Variants in INSC observed in about 807,000 individuals in gnomAD.
INSC encodes INSC spindle orientation adaptor protein, also known as protein inscuteable homolog.
Under a neutral mutation model 58.6 loss-of-function variants are expected in INSC, and 67 were observed. The ratio of observed to expected loss-of-function variants is 1.14; its 90% CI spans 0.94 to 1.40. The LOEUF (loss-of-function observed/expected upper bound fraction) is 1.40, where lower values mean the gene tolerates loss of function less well. Ranked by LOEUF, INSC falls within the 40% of genes most tolerant of loss-of-function variation. The pLI is 0.00. For synonymous variants in INSC, 262 were observed against 276.1 expected, an observed-to-expected ratio of 0.95 and a Z score of 0.51; for missense variants, 714 against 692.0, an observed-to-expected ratio of 1.03 and a Z score of -0.36.
downstream of INSC, among the ~76,000 whole-genome samples, chr11:15,251,898 T>A (rs1361892490): frequency 6.6e-6 from 1 of 152,108 alleles, no homozygotes; most frequent in Non-Finnish European, 1.5e-5. Context: ...TCAAAAGAAA[T>A]GAAAATGTAT....
At chr11:15,138,970 A>T (rs982783218) in intron 1 of INSC, among the ~76,000 whole-genome samples, 2 of 152,224 alleles carry the variant, frequency 1.3e-5, no homozygotes, top group Non-Finnish European at 2.9e-5. Context: ...TTTGAGGAAG[A>T]AATAAAATCA....
intron 5 of INSC, among the ~76,000 whole-genome samples, chr11:15,178,867 G>A (rs933374721): frequency 6.6e-6 from 1 of 152,156 alleles, no homozygotes; most frequent in East Asian, 1.9e-4. Context: ...GGAGTAAATT[G>A]GAACCTGATC....
At chr11:15,187,444 T>C (rs1850010678) in intron 5 of INSC, among the ~76,000 whole-genome samples, 1 of 152,282 alleles carries the variant, frequency 6.6e-6, no homozygotes, top group East Asian at 1.9e-4. Context: ...TACTCTACTA[T>C]GTCTGACTTA....
intron 7 of INSC, among the ~76,000 whole-genome samples, chr11:15,209,774 A>G (rs1279112394): frequency 6.6e-6 from 1 of 151,940 alleles, no homozygotes; most frequent in Non-Finnish European, 1.5e-5. Flanking sequence ...TGATGTGCAC[A>G]CCCACATTCC....
chr11:15,200,748 G>T, intron 6 of INSC, 76 bp from the exon 7 acceptor site: 1 of 1,595,452 alleles, frequency 6.3e-7, no homozygotes, highest in Non-Finnish European at 8.6e-7. Context: ...GGCGAATCAG[G>T]GATGTCACTT....
chr11:15,140,611 G>A (rs1158920385), intron 1 of INSC, among the ~76,000 whole-genome samples: 3 of 150,022 alleles, frequency 2.0e-5, no homozygotes, highest in Admixed American at 2.0e-4. Context: ...TTTAGAGGTA[G>A]GGTCTTGCTC....
At chr11:15,239,219 CA>C in intron 11 of INSC, 145 bp downstream of exon 11, 1 of 973,214 alleles carries the variant, frequency 1.0e-6, no homozygotes, top group Non-Finnish European at 1.5e-6. Context: ...GGTGGAGGCT[CA>C]GGGGTGCAGC....
At position 15,188,201 on chromosome 11, in the gene INSC, G is replaced by A. The variant is rs542839007; in HGVS notation, c.580-2500G>A. ...TTGCAAGGCCCCCACTCACAAGCTCGGGTTACCAATACATAGTGTTAGATG... is the reference window on the plus strand; with the variant it reads ...TTGCAAGGCCCCCACTCACAAGCTCAGGTTACCAATACATAGTGTTAGATG... On this transcript the variant is annotated intron_variant, in intron 5 of 12. Coordinates refer to ENST00000379556, the MANE Select transcript of INSC (RefSeq NM_001042536.3). The A allele has an allele frequency of 1.5e-5, 15 of 985,420 alleles. No homozygotes were observed. The South Asian group carries it at 2.3e-4, about 15-fold the overall frequency. The allele number at this position is 985,420 out of a possible 1,614,324, so 61.0% of individuals were successfully genotyped here. A position where few individuals can be genotyped will look rare whatever the true frequency, so the allele number is the denominator to read the frequency against.
intron 7 of INSC, among the ~76,000 whole-genome samples, chr11:15,206,336 A>C (rs964650612): frequency 1.3e-5 from 2 of 152,292 alleles, no homozygotes; most frequent in African/African-American, 2.4e-5. Flanking sequence ...GCTCCCAGGC[A>C]GACCAGAGGA....
In INSC at chr11:15,202,179, C is replaced by T. The variant is rs1850619132; in HGVS notation, c.819+1230C>T. ...GAGGAGATAGTGCCAGCTTTTTGGACAGAGTGCCCGCTTCCCACCGGGTTG... is the reference window on the plus strand; with the variant it reads ...GAGGAGATAGTGCCAGCTTTTTGGATAGAGTGCCCGCTTCCCACCGGGTTG... On this transcript the variant is annotated intron_variant, in intron 7 of 12. Transcript: ENST00000379556. 2.6e-5 allele frequency among the ~76,000 whole-genome samples: 4 copies of T among 151,778 alleles called. No individual in the cohort carries two copies. In the South Asian group the frequency reaches 8.3e-4, roughly 32 times the overall value.
chr11:15,256,459 C>A, the INSC span, among the ~76,000 whole-genome samples: 1 of 150,930 alleles, frequency 6.6e-6, no homozygotes, highest in Non-Finnish European at 1.5e-5. Context: ...TTGGCACTTT[C>A]GTATGGCAGT....
intron 1 of INSC, among the ~76,000 whole-genome samples, chr11:15,119,996 C>T (rs2133683134): frequency 6.6e-6 from 1 of 152,318 alleles, no homozygotes; most frequent in African/African-American, 2.4e-5. Flanking sequence ...GAACACCGGC[C>T]TAATTGGCAC....
Position 15,118,192 on chromosome 11 carries a change from A to G in INSC, c.-46+3189A>G, listed in dbSNP as rs202139061. ...TGGACTTAGGAGTGTGGAGGAGCACATGAAGGGCTTTACTGCCTCCTTGCC... is the reference window on the plus strand; with the variant it reads ...TGGACTTAGGAGTGTGGAGGAGCACGTGAAGGGCTTTACTGCCTCCTTGCC... On this transcript the variant is annotated intron_variant, in intron 1 of 12. Transcript: ENST00000379556. 2.0e-5 allele frequency among the ~76,000 whole-genome samples: 3 copies of G among 152,276 alleles called. No homozygotes were observed. In the East Asian group the frequency reaches 5.8e-4, roughly 29 times the overall value.
intron 5 of INSC, among the ~76,000 whole-genome samples, chr11:15,187,706 T>A (rs908699707): frequency 6.6e-6 from 1 of 152,202 alleles, no homozygotes; most frequent in Non-Finnish European, 1.5e-5. Context: ...GTCTTTAAGA[T>A]GTTATTTTTT....
chr11:15,200,811 T>C lies in INSC; in HGVS notation c.694-13T>C. 1 of 1,614,040 alleles carries C rather than the reference T, an allele frequency of 6.2e-7. No individual in the cohort carries two copies. On this transcript the variant is annotated splice_polypyrimidine_tract_variant and intron_variant, in intron 6 of 12. Coordinates refer to ENST00000379556, the MANE Select transcript of INSC (RefSeq NM_001042536.3). ...ACACAGTAAGATGATGTGACATTTC[T>C]TTCTCTTGGCAGGAGGGTGGGGTCG...
intron 6 of INSC, among the ~76,000 whole-genome samples, chr11:15,193,525 T>C (rs1395035926): frequency 6.6e-6 from 1 of 152,204 alleles, no homozygotes; most frequent in Non-Finnish European, 1.5e-5. Flanking sequence ...TTCCCACCTA[T>C]GAGTGAGAAC....
At chr11:15,219,199 A>G (rs1318366793) in intron 7 of INSC, among the ~76,000 whole-genome samples, 1 of 152,102 alleles carries the variant, frequency 6.6e-6, no homozygotes, top group Non-Finnish European at 1.5e-5. Context: ...TGCTCTTAGG[A>G]AACTCTCACT....
chr11:15,236,744 G>C (rs1006990273), intron 10 of INSC, among the ~76,000 whole-genome samples: 7 of 152,246 alleles, frequency 4.6e-5, no homozygotes, highest in Non-Finnish European at 7.3e-5. Context: ...TAATGAGGCG[G>C]AGTGAGCTGG....
At chr11:15,263,792 A>T in the INSC span, among the ~76,000 whole-genome samples, 1 of 152,128 alleles carries the variant, frequency 6.6e-6, no homozygotes, top group Non-Finnish European at 1.5e-5. Context: ...TCAAGCTCAT[A>T]TGGTTGTTGG....
Sources: allele counts gnomAD v4.1 joint callset (sites outside exome capture counted in the v4.1 genomes callset), GRCh38; gene constraint gnomAD v4.1.1; transcripts MANE v1.5; gene names NCBI Gene and HGNC (gene_info 2026-07-23, HGNC 2026-07-21).